NSMCE2: variants seen among roughly 807,000 people sequenced by gnomAD.
The protein encoded by NSMCE2 is E3 SUMO-protein ligase NSE2.
Under a neutral mutation model 23.8 loss-of-function variants are expected in NSMCE2, and 24 were observed. The ratio of observed to expected loss-of-function variants is 1.01; its 90% CI spans 0.73 to 1.42. The LOEUF is 1.42. Among genes scored for constraint, NSMCE2 ranks in the 40% most tolerant of loss-of-function variants. The probability of loss-of-function intolerance (pLI) is 0.00; values close to 1 mark genes in which losing one functional copy is unlikely to be tolerated. For synonymous variants in NSMCE2, 92 were observed against 94.1 expected (o/e 0.98, Z 0.13); for missense variants, 284 against 296.5 (o/e 0.96, Z 0.31).
At chr8:125,353,165 ACT>A (rs576178525) in intron 5 of NSMCE2, among the ~76,000 whole-genome samples, 238 of 152,232 alleles carry the variant, frequency 1.6e-3, no homozygotes, top group African/African-American at 5.5e-3. Flanking sequence ...CATCAGCTGA[ACT>A]CTGTTATTCA....
intron 5 of NSMCE2, among the ~76,000 whole-genome samples, chr8:125,247,990 G>T (rs1280975883): frequency 1.3e-5 from 2 of 152,096 alleles, no homozygotes; most frequent in African/African-American, 2.4e-5. Flanking sequence ...GGAAGATTTT[G>T]GTGTATGTTA....
intron 3 of NSMCE2, among the ~76,000 whole-genome samples, chr8:125,120,087 T>C (rs1586460597): frequency 1.3e-5 from 2 of 152,212 alleles, no homozygotes; most frequent in African/African-American, 4.8e-5. Flanking sequence ...ATATGAAAGT[T>C]ACTAATATTA....
chr8:125,364,432 G>A (rs564799126), intron 7 of NSMCE2, among the ~76,000 whole-genome samples: 1 of 152,042 alleles, frequency 6.6e-6, no homozygotes, highest in African/African-American at 2.4e-5. Flanking sequence ...TTTCCTTCTG[G>A]TTTGCATCTT....
chr8:125,211,964 T>C (rs1355179327), intron 5 of NSMCE2, among the ~76,000 whole-genome samples: 3 of 152,242 alleles, frequency 2.0e-5, no homozygotes, highest in African/African-American at 7.2e-5. Flanking sequence ...GGCATGTACT[T>C]GTCAGACCAG....
chr8:125,201,762 T>C (rs1423835663), intron 5 of NSMCE2, among the ~76,000 whole-genome samples: 2 of 152,236 alleles, frequency 1.3e-5, no homozygotes, highest in Admixed American at 1.3e-4. Context: ...TGCGAAAGTT[T>C]CTGCTGCCTT....
chr8:125,258,594 G>C (rs542428579), intron 5 of NSMCE2, among the ~76,000 whole-genome samples: 1 of 152,268 alleles, frequency 6.6e-6, no homozygotes, highest in East Asian at 1.9e-4. Flanking sequence ...GCAACTGGAG[G>C]ATGGCTTGTT....
At chr8:125,366,276 C>T (rs558834862) in intron 7 of NSMCE2, among the ~76,000 whole-genome samples, 2 of 152,308 alleles carry the variant, frequency 1.3e-5, no homozygotes, top group South Asian at 2.1e-4. Flanking sequence ...CGCGGTGGCT[C>T]ACGCCGGTAA....
intron 5 of NSMCE2, among the ~76,000 whole-genome samples, chr8:125,273,235 A>C (rs1165943126): frequency 1.3e-5 from 2 of 152,228 alleles, no homozygotes; most frequent in African/African-American, 4.8e-5. Flanking sequence ...AGTCAACCAG[A>C]TACTGATACC....
chr8:125,312,882 C>T (rs1158153612), intron 5 of NSMCE2, among the ~76,000 whole-genome samples: 2 of 151,992 alleles, frequency 1.3e-5, no homozygotes, highest in African/African-American at 4.8e-5. Flanking sequence ...GAGGAAGTGA[C>T]CTTTGAGCTG....
At chr8:125,298,575 T>C (rs542030152) in intron 5 of NSMCE2, among the ~76,000 whole-genome samples, 358 of 152,270 alleles carry the variant, frequency 2.4e-3, no homozygotes, top group African/African-American at 7.7e-3. Context: ...CCATCTCCAC[T>C]TTTGTTTCCT....
chr8:125,357,435 A>G, intron 6 of NSMCE2, 116 bp downstream of exon 6: 1 of 766,654 alleles, frequency 1.3e-6, no homozygotes, highest in South Asian at 1.6e-5. Flanking sequence ...GGAGTAAAGA[A>G]AAGTGCTGGG....
intron 3 of NSMCE2, among the ~76,000 whole-genome samples, chr8:125,108,559 C>A (rs1818581207): frequency 6.6e-6 from 1 of 152,170 alleles, no homozygotes. Context: ...ATTAAAATGC[C>A]TGCTTCATAA....
intron 5 of NSMCE2, among the ~76,000 whole-genome samples, chr8:125,187,359 A>G (rs1410270998): frequency 6.6e-6 from 1 of 152,374 alleles, no homozygotes; most frequent in East Asian, 1.9e-4. Flanking sequence ...CAGTAATCAT[A>G]TTCTCACTAG....
chr8:125,100,507 T>G (rs1818139020), intron 1 of NSMCE2, among the ~76,000 whole-genome samples: 1 of 152,154 alleles, frequency 6.6e-6, no homozygotes, highest in African/African-American at 2.4e-5. Context: ...GGTTTATGTT[T>G]TATCTCTGTC....
chr8:125,169,943 T>A (rs750690683), intron 4 of NSMCE2, among the ~76,000 whole-genome samples: 11 of 152,072 alleles, frequency 7.2e-5, no homozygotes, highest in African/African-American at 2.4e-4. Flanking sequence ...TTTTTTCATT[T>A]CCAAATAGCT....
rs556681654 is a variant in NSMCE2, at chr8:125,366,401, G to A, written c.627-367G>A. On this transcript the variant is annotated intron_variant, in intron 7 of 7. Coordinates refer to ENST00000287437, the MANE Select transcript of NSMCE2 (RefSeq NM_173685.4). ...TAAAAATACCAAAAATTAGCCGGGCGTGGTGGTGGGTGCCTGTAGTCCCAG... is the reference window on the plus strand; with the variant it reads ...TAAAAATACCAAAAATTAGCCGGGCATGGTGGTGGGTGCCTGTAGTCCCAG... Among the ~76,000 whole-genome samples the A allele has an allele frequency of 1.2e-3, 177 of 152,244 alleles. 1 individual carries two copies. Among genetic ancestry groups the A allele is most frequent in the East Asian group, 8.3e-3 (43 of 5,174 alleles).
At chr8:125,227,872 T>A (rs2130936060) in intron 5 of NSMCE2, among the ~76,000 whole-genome samples, 1 of 152,262 alleles carries the variant, frequency 6.6e-6, no homozygotes, top group East Asian at 1.9e-4. Context: ...TTTAGTGTCA[T>A]TTTTTTAGTC....
At chr8:125,196,011 G>A (rs1169581367) in intron 5 of NSMCE2, among the ~76,000 whole-genome samples, 1 of 149,142 alleles carries the variant, frequency 6.7e-6, no homozygotes, top group Non-Finnish European at 1.5e-5. Flanking sequence ...CTCCCAAGTA[G>A]CTGGGATTAC....
intron 4 of NSMCE2, among the ~76,000 whole-genome samples, chr8:125,171,279 T>C (rs1822193374): frequency 6.6e-6 from 1 of 152,216 alleles, no homozygotes; most frequent in African/African-American, 2.4e-5. Flanking sequence ...AGGAACTGGT[T>C]CTCTTGACTG....
Sources: allele counts gnomAD v4.1 joint callset (sites outside exome capture counted in the v4.1 genomes callset), GRCh38; gene constraint gnomAD v4.1.1; transcripts MANE v1.5; gene names NCBI Gene and HGNC (gene_info 2026-07-23, HGNC 2026-07-21).